The following ACOXL variants were observed in gnomAD, a reference collection of about 807,000 sequenced individuals.
The protein encoded by ACOXL is acyl-CoA oxidase like.
A neutral mutation model predicts 71.9 loss-of-function variants in ACOXL; 70 were observed. That is an observed-to-expected ratio of 0.97 (90% CI 0.80 to 1.19). The LOEUF (loss-of-function observed/expected upper bound fraction) is 1.19, where lower values mean the gene tolerates loss of function less well. Among genes scored for constraint, ACOXL ranks in the 50% most tolerant of loss-of-function variants. ACOXL has a pLI of 0.00. For synonymous variants in ACOXL, 253 were observed against 281.6 expected (o/e 0.90, Z 1.02); for missense variants, 703 against 736.3 (o/e 0.95, Z 0.52).
intron 9 of ACOXL, among the ~76,000 whole-genome samples, chr2:110,831,513 G>C (rs1689821798): frequency 6.6e-6 from 1 of 152,162 alleles, no homozygotes; most frequent in Non-Finnish European, 1.5e-5. Context: ...ACATGATAAA[G>C]TTGTCAATTC....
At chr2:110,818,451 GTATA>G (rs755048740) in intron 9 of ACOXL, among the ~76,000 whole-genome samples, 59 of 135,834 alleles carry the variant, frequency 4.3e-4, no homozygotes, top group East Asian at 2.1e-3. Flanking sequence ...GTGTGTGTGT[GTATA>G]TATATATATA....
intron 10 of ACOXL, among the ~76,000 whole-genome samples, chr2:110,851,863 C>T (rs149436155): frequency 0.012 from 1,805 of 152,346 alleles, 19 homozygotes; most frequent in Middle Eastern, 0.058. Context: ...CAGACCTCAC[C>T]AGTGAGAAAG....
chr2:111,108,264 T>A (rs546788135), intron 17 of ACOXL, among the ~76,000 whole-genome samples: 2 of 152,002 alleles, frequency 1.3e-5, no homozygotes, highest in Non-Finnish European at 2.9e-5. Context: ...ACAAAAGAGA[T>A]AAGTTGGCAA....
chr2:110,847,433 C>T (rs754237510), intron 10 of ACOXL, among the ~76,000 whole-genome samples: 1 of 152,172 alleles, frequency 6.6e-6, no homozygotes, highest in East Asian at 1.9e-4. Context: ...AAGAAGAGCT[C>T]GTGAAAGTGG....
chr2:110,790,248 A>G (rs896042179), intron 3 of ACOXL, among the ~76,000 whole-genome samples: 1 of 152,142 alleles, frequency 6.6e-6, no homozygotes, highest in Non-Finnish European at 1.5e-5. Context: ...GGTTGAGGTG[A>G]TACCAGCCTG....
At chr2:110,926,540 A>G (rs1331553267) in intron 11 of ACOXL, among the ~76,000 whole-genome samples, 1 of 152,204 alleles carries the variant, frequency 6.6e-6, no homozygotes, top group African/African-American at 2.4e-5. Flanking sequence ...GCTGTGCGTC[A>G]GTTTCCCCAT....
rs112392384 is a variant in ACOXL, at chr2:110,778,965, A to G, written c.76-5767A>G. 2.3e-4 allele frequency among the ~76,000 whole-genome samples: 35 copies of G among 152,326 alleles called. 1 individual carries two copies. Among genetic ancestry groups the G allele is most frequent in the African/African-American group, 8.2e-4 (34 of 41,572 alleles). ...ATACGTTCATTATTACCTGCCACCA[A>G]TATCAATCGATTCTGTAATTACACT... On this transcript the variant is annotated intron_variant, in intron 2 of 17. Coordinates refer to ENST00000439055, the MANE Select transcript of ACOXL (RefSeq NM_001142807.4).
intron 10 of ACOXL, chr2:110,886,960 T>C (rs1697373437): frequency 7.8e-7 from 1 of 1,285,572 alleles, no homozygotes; most frequent in Non-Finnish European, 1.1e-6. Context: ...GGCTTCTCAC[T>C]GCACTATCCC....
chr2:111,065,125 CTG>C lies in ACOXL; in HGVS notation c.1440+15839_1440+15840del, dbSNP rs113629147. Among the ~76,000 whole-genome samples the C allele has an allele frequency of 3.6e-3, 552 of 152,250 alleles. 9 individuals are homozygous for C. In the East Asian group the frequency reaches 0.046, roughly 13 times the overall value. On this transcript the variant is annotated intron_variant, in intron 16 of 17. Coordinates refer to ENST00000439055, the MANE Select transcript of ACOXL (RefSeq NM_001142807.4). ...AGACATATAACTATAGTAATGAAGA[CTG>C]TATGGTATTGGCAGGTGAATACACA... is the stretch of plus-strand genomic sequence containing the variant.
chr2:110,874,005 G>A (rs906006904), intron 10 of ACOXL, among the ~76,000 whole-genome samples: 1 of 152,184 alleles, frequency 6.6e-6, no homozygotes, highest in African/African-American at 2.4e-5. Flanking sequence ...GGCCCTCTGG[G>A]TACAAGACCT....
At chr2:111,002,577 A>T (rs1008251130) in intron 14 of ACOXL, among the ~76,000 whole-genome samples, 1 of 152,184 alleles carries the variant, frequency 6.6e-6, no homozygotes, top group African/African-American at 2.4e-5. Flanking sequence ...ACATGCTACA[A>T]AATTGTTCTT....
chr2:110,971,724 G>A (rs2062197689), intron 12 of ACOXL, among the ~76,000 whole-genome samples: 1 of 152,174 alleles, frequency 6.6e-6, no homozygotes, highest in Non-Finnish European at 1.5e-5. Flanking sequence ...TAGATTATTT[G>A]GGGGAGAATT....
In ACOXL at chr2:110,871,085, T is replaced by C. The variant is rs577020672; in HGVS notation, c.788+29680T>C. Among the ~76,000 whole-genome samples, 233 of 152,290 alleles carry C rather than the reference T, an allele frequency of 1.5e-3. 1 individual carries two copies. Among genetic ancestry groups the C allele is most frequent in the African/African-American group, 5.3e-3 (222 of 41,566 alleles). ...GAATTTGAAATTAGTATTTCTTACA[T>C]GTTGGAGAATGTGGTACCAAGCAGG... On this transcript the variant is annotated intron_variant, in intron 10 of 17. Coordinates refer to ENST00000439055, the MANE Select transcript of ACOXL (RefSeq NM_001142807.4).
In ACOXL at chr2:111,092,846, GTT is replaced by G; in HGVS notation, c.1441-16_1441-15del. 1 of 1,582,632 alleles carries G rather than the reference GTT, an allele frequency of 6.3e-7. No individual in the cohort carries two copies. Among genetic ancestry groups the G allele is most frequent in the Non-Finnish European group, 8.7e-7 (1 of 1,153,694 alleles). ...ATATTGCTATTTGTCCATTTCTTTT[GTT>G]TTCCCCCACCCCTTAGTTTTGTCTG... On this transcript the variant is annotated splice_polypyrimidine_tract_variant and intron_variant, in intron 16 of 17. Transcript: ENST00000439055.
intron 12 of ACOXL, among the ~76,000 whole-genome samples, chr2:110,940,878 A>G (rs1214975089): frequency 1.3e-5 from 2 of 152,246 alleles, no homozygotes; most frequent in East Asian, 3.8e-4. Context: ...AGTGAGGTAG[A>G]CACGTGCAGA....
intron 11 of ACOXL, among the ~76,000 whole-genome samples, chr2:110,915,350 ATGTGTGTGTGTG>A (rs3059185): frequency 1.8e-4 from 21 of 113,634 alleles, no homozygotes; most frequent in African/African-American, 5.4e-4. Context: ...ATATATATAT[ATGTGTGTGTGTG>A]TGTGTGTGTG....
At chr2:110,936,588 A>G (rs1323902458) in intron 12 of ACOXL, among the ~76,000 whole-genome samples, 1 of 152,126 alleles carries the variant, frequency 6.6e-6, no homozygotes, top group Non-Finnish European at 1.5e-5. Flanking sequence ...TAACCTGTCT[A>G]TAAATCAGGA....
intron 12 of ACOXL, among the ~76,000 whole-genome samples, chr2:110,951,660 G>A (rs2061338248): frequency 6.6e-6 from 1 of 152,160 alleles, no homozygotes; most frequent in Admixed American, 6.6e-5. Context: ...GTGCATGTGT[G>A]CATTTATTGA....
At chr2:110,963,526 A>G in intron 12 of ACOXL, 1 of 1,385,124 alleles carries the variant, frequency 7.2e-7, no homozygotes, top group Non-Finnish European at 9.4e-7. Flanking sequence ...TTTTAAAGAA[A>G]ATGTGAGTCC....
Sources: gnomAD v4.1 joint callset for allele counts (sites outside exome capture counted in the v4.1 genomes callset) on GRCh38, gnomAD v4.1.1 for gene constraint, MANE v1.5 for transcripts, NCBI Gene and HGNC (gene_info 2026-07-23, HGNC 2026-07-21) for gene names.